Variants in TMEM163 observed in about 807,000 individuals in gnomAD.
TMEM163 encodes transmembrane protein 163.
In TMEM163, 17 loss-of-function variants were observed where a neutral mutation model predicts 29.3. The ratio of observed to expected loss-of-function variants is 0.58; its 90% CI spans 0.40 to 0.87. TMEM163 has a LOEUF of 0.87. Ranked by LOEUF, TMEM163 falls within the 40% of genes least tolerant of loss-of-function variation. The pLI, the probability that TMEM163 is intolerant of heterozygous loss-of-function variation, is 0.00. For missense variants in TMEM163, 303 were observed against 381.5 expected, an observed-to-expected ratio of 0.79 and a Z score of 1.71; for synonymous variants, 157 against 160.6, an observed-to-expected ratio of 0.98 and a Z score of 0.17.
In TMEM163 at chr2:134,456,569, ACCTGGCT is replaced by A; in HGVS notation, c.*140_*146del. 1 of 937,304 alleles carries A rather than the reference ACCTGGCT, an allele frequency of 1.1e-6. No individual in the cohort carries two copies. The highest frequency in any genetic ancestry group is 1.5e-5 in the South Asian group (1 of 65,694). 58.1% of individuals were successfully genotyped at this position (937,304 alleles called of 1,614,324 possible). On this transcript the variant is annotated 3_prime_UTR_variant, in exon 8 of 8. Coordinates refer to ENST00000281924, the MANE Select transcript of TMEM163 (RefSeq NM_030923.5). Reference sequence around the variant, plus strand: ...CAGGTGATGGGGGCAAGGTAGATCCACCTGGCTGGGCAGACCTTGTCTTGTAATGACA... The same window carrying A: ...CAGGTGATGGGGGCAAGGTAGATCCAGGGCAGACCTTGTCTTGTAATGACA...
chr2:134,522,989 ACCG>A (rs1433799600), intron 4 of TMEM163, among the ~76,000 whole-genome samples: 2 of 152,212 alleles, frequency 1.3e-5, no homozygotes, highest in Non-Finnish European at 2.9e-5. Context: ...ATAGAACCAC[ACCG>A]CCTCATACAG....
chr2:134,667,079 GCTTGAACATC>G (rs1420512791), intron 2 of TMEM163, among the ~76,000 whole-genome samples: 1 of 152,180 alleles, frequency 6.6e-6, no homozygotes, highest in Non-Finnish European at 1.5e-5. Context: ...GTGACCTAGT[GCTTGAACATC>G]CTTATTCACC....
chr2:134,688,535 A>C (rs1236195577), intron 2 of TMEM163, among the ~76,000 whole-genome samples: 1 of 152,086 alleles, frequency 6.6e-6, no homozygotes, highest in African/African-American at 2.4e-5. Flanking sequence ...ATATTCCTAA[A>C]CAGGAAAGAG....
intron 4 of TMEM163, among the ~76,000 whole-genome samples, chr2:134,550,070 T>C (rs1008948686): frequency 1.6e-4 from 24 of 152,166 alleles, no homozygotes; most frequent in African/African-American, 2.9e-4. Context: ...ACATATGTTT[T>C]AGAGTCACAA....
intron 2 of TMEM163, among the ~76,000 whole-genome samples, chr2:134,595,072 A>G (rs1490497659): frequency 6.6e-6 from 1 of 151,938 alleles, no homozygotes; most frequent in Non-Finnish European, 1.5e-5. Context: ...TTATACATAA[A>G]GCATAAATTT....
At chr2:134,652,854 AT>A (rs1396523388) in intron 2 of TMEM163, among the ~76,000 whole-genome samples, 3 of 83,444 alleles carry the variant, frequency 3.6e-5, no homozygotes, top group African/African-American at 2.0e-4. Context: ...ACATTTATTG[AT>A]TTGCGTATAT....
intron 2 of TMEM163, among the ~76,000 whole-genome samples, chr2:134,567,423 G>T (rs1451291054): frequency 6.6e-6 from 1 of 152,204 alleles, no homozygotes; most frequent in Non-Finnish European, 1.5e-5. Context: ...TGGGCGTGGT[G>T]ACTCACACCA....
chr2:134,501,039 T>C (rs1380951022), intron 5 of TMEM163, among the ~76,000 whole-genome samples: 2 of 152,204 alleles, frequency 1.3e-5, no homozygotes, highest in Non-Finnish European at 2.9e-5. Context: ...ATAATGGATA[T>C]GGTAATTCAC....
chr2:134,528,381 CTAACTCCATT>C (rs1680340548), intron 4 of TMEM163, among the ~76,000 whole-genome samples: 1 of 152,202 alleles, frequency 6.6e-6, no homozygotes, highest in Non-Finnish European at 1.5e-5. Context: ...TCTAACTGGC[CTAACTCCATT>C]TCCTTTAGAG....
intron 5 of TMEM163, among the ~76,000 whole-genome samples, chr2:134,486,615 G>C (rs1679319010): frequency 1.3e-5 from 2 of 152,076 alleles, no homozygotes; most frequent in Admixed American, 1.3e-4. Context: ...AAAATATATT[G>C]GATCTTCAAA....
chr2:134,711,310 T>C (rs1485734963), intron 2 of TMEM163, among the ~76,000 whole-genome samples: 1 of 151,880 alleles, frequency 6.6e-6, no homozygotes, highest in Non-Finnish European at 1.5e-5. Context: ...ATGAAACACA[T>C]ACACACACAC....
At chr2:134,673,315 G>A (rs954213277) in intron 2 of TMEM163, among the ~76,000 whole-genome samples, 2 of 152,068 alleles carry the variant, frequency 1.3e-5, no homozygotes, top group East Asian at 1.9e-4. Flanking sequence ...CCTTATACCC[G>A]AGGCTCAGCC....
At chr2:134,467,857 T>C (rs764039031) in intron 5 of TMEM163, 1 of 152,248 alleles carries the variant, frequency 6.6e-6, no homozygotes, top group Non-Finnish European at 1.5e-5. Context: ...CTGTACTATC[T>C]GTAAAACTCT....
intron 2 of TMEM163, among the ~76,000 whole-genome samples, chr2:134,698,891 C>T (rs1162956132): frequency 6.6e-6 from 1 of 152,164 alleles, no homozygotes; most frequent in East Asian, 1.9e-4. Flanking sequence ...TGGAAGCAGT[C>T]ACCTTTTACA....
intron 5 of TMEM163, among the ~76,000 whole-genome samples, chr2:134,498,095 G>C (rs1323527127): frequency 6.6e-6 from 1 of 152,170 alleles, no homozygotes. Context: ...CATAAGCCTT[G>C]GATGGAGGTG....
chr2:134,543,546 A>G (rs1459863292), intron 4 of TMEM163, among the ~76,000 whole-genome samples: 1 of 152,194 alleles, frequency 6.6e-6, no homozygotes, highest in East Asian at 1.9e-4. Context: ...CTGTTTTAAT[A>G]TGTTCTTGGT....
intron 2 of TMEM163, among the ~76,000 whole-genome samples, chr2:134,631,120 C>T (rs1349789036): frequency 6.6e-6 from 1 of 152,092 alleles, no homozygotes; most frequent in Non-Finnish European, 1.5e-5. Context: ...CCTTCTAATG[C>T]TTCTAATAAA....
At chr2:134,518,358 G>A (rs1372114350) in intron 4 of TMEM163, among the ~76,000 whole-genome samples, 3 of 152,234 alleles carry the variant, frequency 2.0e-5, no homozygotes, top group African/African-American at 7.2e-5. Context: ...CCATAAATAG[G>A]CTATTGGTTT....
At chr2:134,713,106 T>C in intron 2 of TMEM163, 94 bp downstream of exon 2, 4 of 1,535,300 alleles carry the variant, frequency 2.6e-6, no homozygotes, top group Non-Finnish European at 3.5e-6. Flanking sequence ...TCATCAATAA[T>C]AGTCAACTAA....
Sources: allele counts gnomAD v4.1 joint callset (sites outside exome capture counted in the v4.1 genomes callset), GRCh38; gene constraint gnomAD v4.1.1; transcripts MANE v1.5; gene names NCBI Gene and HGNC (gene_info 2026-07-23, HGNC 2026-07-21).